The following ERICH3 variants were observed in gnomAD, a reference collection of about 807,000 sequenced individuals.
ERICH3 encodes the protein glutamate-rich protein 3.
A neutral mutation model predicts 131.1 loss-of-function variants in ERICH3; 126 were observed. The observed-to-expected ratio is 0.96, with a 90% confidence interval of 0.83 to 1.11. The LOEUF (loss-of-function observed/expected upper bound fraction) is 1.11. Ranked by LOEUF, ERICH3 falls within the 50% of genes most tolerant of loss-of-function variation. The pLI, the probability that ERICH3 is intolerant of heterozygous loss-of-function variation, is 0.00. For missense variants in ERICH3, 2,050 were observed against 1,810.7 expected, an observed-to-expected ratio of 1.13 and a Z score of -2.40; for synonymous variants, 695 against 644.6, an observed-to-expected ratio of 1.08 and a Z score of -1.18.
chr1:74,623,073 A>C (rs894159397), intron 7 of ERICH3: 5 of 152,220 alleles, frequency 3.3e-5, no homozygotes, highest in African/African-American at 1.2e-4. Flanking sequence ...TAATGACCAG[A>C]GACAAATGAA....
intron 1 of ERICH3, among the ~76,000 whole-genome samples, chr1:74,659,124 C>A (rs1042032075): frequency 2.6e-5 from 4 of 152,096 alleles, no homozygotes; most frequent in African/African-American, 9.7e-5. Flanking sequence ...AAAATGAAGT[C>A]TGAGCCAGTA....
intron 12 of ERICH3, among the ~76,000 whole-genome samples, chr1:74,588,193 G>T (rs1052401090): frequency 4.6e-5 from 7 of 151,994 alleles, no homozygotes; most frequent in African/African-American, 1.5e-4. Flanking sequence ...CTTCAAAATT[G>T]TATTTAACCT....
chr1:74,596,306 CTAGT>C (rs1342875094), intron 11 of ERICH3, among the ~76,000 whole-genome samples: 2 of 151,750 alleles, frequency 1.3e-5, no homozygotes, highest in Non-Finnish European at 2.9e-5. Context: ...TCAAAAGGAG[CTAGT>C]TAGTCTTTTT....
At chr1:74,670,588 A>C (rs958217934) in intron 1 of ERICH3, among the ~76,000 whole-genome samples, 2 of 152,156 alleles carry the variant, frequency 1.3e-5, no homozygotes, top group African/African-American at 4.8e-5. Flanking sequence ...TAATCTCTTA[A>C]TCCTGTTATC....
intron 11 of ERICH3, among the ~76,000 whole-genome samples, chr1:74,593,052 A>G (rs1437301402): frequency 6.6e-6 from 1 of 152,038 alleles, no homozygotes; most frequent in East Asian, 1.9e-4. Context: ...ACCCAATTCC[A>G]TTTGTTCATG....
intron 4 of ERICH3, 23 bp from the exon 5 acceptor site, chr1:74,641,482 C>A: frequency 1.2e-6 from 2 of 1,605,742 alleles, no homozygotes; most frequent in Non-Finnish European, 1.7e-6. Context: ...AGCAATTTAG[C>A]AAATAGATGC....
At chr1:74,642,349 T>C (rs540505356) in intron 4 of ERICH3, among the ~76,000 whole-genome samples, 16 of 152,122 alleles carry the variant, frequency 1.1e-4, no homozygotes, top group Admixed American at 2.0e-4. Context: ...AGGCCACACA[T>C]TTGTAATACT....
At chr1:74,574,712 A>G (rs1647019929) in intron 13 of ERICH3, among the ~76,000 whole-genome samples, 1 of 152,222 alleles carries the variant, frequency 6.6e-6, no homozygotes, top group Non-Finnish European at 1.5e-5. Context: ...TTCAATAAAT[A>G]TAGGTTTGAT....
rs771497932 is a variant in ERICH3 at position 74,571,419 on chromosome 1, C to G, written c.4291G>C (p.Val1431Leu). The G allele has an allele frequency of 3.3e-5, 54 of 1,613,926 alleles. No homozygotes were observed. Residue 1431 changes from valine to leucine, a missense_variant, in exon 14 of 15, where the codon GTG (valine) becomes CTG (leucine). Coordinates refer to ENST00000326665, the MANE Select transcript of ERICH3 (RefSeq NM_001002912.5). ...CGCTCCAGGGCTCCTGGAGTGCCCA[C>G]CCCAGCCTCTGTTGTATATGTCACT... is the stretch of plus-strand genomic sequence containing the variant. ...MTVTYTTEAG[V>L]GTPGALERKT...
chr1:74,571,372 C>G lies in ERICH3; in HGVS notation c.4338G>C (p.Gln1446His). 1 of 1,614,018 alleles carries G rather than the reference C, an allele frequency of 6.2e-7. No individual in the cohort carries two copies. Among genetic ancestry groups the G allele is most frequent in the Non-Finnish European group, 8.5e-7 (1 of 1,180,002 alleles). ...GGCCCTCTGACCCTTCCTCTTGCTC[C>G]TGTCCTAGCCCTGAGGTCTTCCGCT... is the stretch of plus-strand genomic sequence containing the variant. ...ALERKTSGLGQEQEEGSEGQE... is the reference protein window; with the variant it reads ...ALERKTSGLGHEQEEGSEGQE... The change falls in exon 14 of 15, where the codon CAG becomes CAC. Residue 1446 changes from glutamine (Q) to histidine (H), a missense_variant. Physicochemically the swap from Gln to His is conservative, Grantham distance 24. Transcript: ENST00000326665.
At chr1:74,611,607 G>A (rs142185371) in intron 9 of ERICH3, among the ~76,000 whole-genome samples, 28 of 152,140 alleles carry the variant, frequency 1.8e-4, no homozygotes, top group Admixed American at 7.2e-4. Flanking sequence ...TGGTCTCTGC[G>A]ACCCCATCTC....
chr1:74,605,626 C>T (rs1648349362), intron 10 of ERICH3, among the ~76,000 whole-genome samples: 1 of 151,426 alleles, frequency 6.6e-6, no homozygotes, highest in Admixed American at 6.6e-5. Flanking sequence ...ACAGAGAAGA[C>T]CAAGCAGAGG....
chr1:74,620,730 G>T lies in ERICH3; in HGVS notation c.1000+4C>A. 5 of 1,593,134 alleles carry T rather than the reference G, an allele frequency of 3.1e-6. No homozygotes were observed. Among genetic ancestry groups the T allele is most frequent in the African/African-American group, 1.4e-5 (1 of 73,930 alleles). ...ATTAAAAAACATTCACATTTTATGT[G>T]TACCTTTTTCAAGTAGTTTGCCTTT... On this transcript the variant is annotated splice_donor_region_variant and intron_variant, in intron 8 of 14. Coordinates refer to ENST00000326665, the MANE Select transcript of ERICH3 (RefSeq NM_001002912.5).
chr1:74,667,952 T>A (rs1646707374), intron 1 of ERICH3, among the ~76,000 whole-genome samples: 1 of 152,114 alleles, frequency 6.6e-6, no homozygotes, highest in African/African-American at 2.4e-5. Flanking sequence ...TCTCATGAGA[T>A]CTGATGGTTT....
intron 12 of ERICH3, among the ~76,000 whole-genome samples, chr1:74,581,075 CA>C (rs1647169192): frequency 6.6e-6 from 1 of 152,144 alleles, no homozygotes; most frequent in African/African-American, 2.4e-5. Flanking sequence ...CAAAGAATTT[CA>C]CATTACTCAG....
intron 2 of ERICH3, among the ~76,000 whole-genome samples, chr1:74,647,166 T>C (rs1646493243): frequency 3.9e-5 from 6 of 152,096 alleles, no homozygotes; most frequent in Admixed American, 3.9e-4. Flanking sequence ...TAAAACAAGA[T>C]TTTCATCACA....
chr1:74,667,736 T>C (rs1462548030), intron 1 of ERICH3, among the ~76,000 whole-genome samples: 2 of 152,186 alleles, frequency 1.3e-5, no homozygotes, highest in South Asian at 4.1e-4. Flanking sequence ...TAGTTAGAGA[T>C]GCTTTTTCTC....
Position 74,612,737 on chromosome 1 carries a change from T to C in ERICH3, c.1073A>G (p.Gln358Arg), listed in dbSNP as rs1311769817. 1 of 1,603,780 alleles carries C rather than the reference T, an allele frequency of 6.2e-7. No homozygotes were observed. Among genetic ancestry groups the C allele is most frequent in the South Asian group, 1.1e-5 (1 of 90,078 alleles). ...FSLTFFLNGMQVNRLSSCCEY... is the reference protein window; with the variant it reads ...FSLTFFLNGMRVNRLSSCCEY... ...ACAACAGGAGCTTAACCTGTTCACC[T>C]GCATCCCATTCAGGAAAAAGGTGAG... The change falls in exon 9 of 15, where the codon CAG (glutamine) becomes CGG (arginine). Residue 358 changes from glutamine to arginine, a missense_variant. Gln to Arg is a conservative substitution (Grantham distance 43, BLOSUM62 1). Coordinates refer to ENST00000326665, the MANE Select transcript of ERICH3 (RefSeq NM_001002912.5).
intron 9 of ERICH3, among the ~76,000 whole-genome samples, chr1:74,611,676 G>A (rs1324511855): frequency 2.0e-5 from 3 of 152,102 alleles, no homozygotes; most frequent in South Asian, 2.1e-4. Context: ...CAACAAACAC[G>A]TGCCTGCTTC....
Sources: gnomAD v4.1 joint callset for allele counts (sites outside exome capture counted in the v4.1 genomes callset) on GRCh38, gnomAD v4.1.1 for gene constraint, MANE v1.5 for transcripts, NCBI Gene and HGNC (gene_info 2026-07-23, HGNC 2026-07-21) for gene names.